Variants in LOC400499 observed in about 807,000 individuals in gnomAD.
chr16:11,515,488 T>A, the LOC400499 span, among the ~76,000 whole-genome samples: 1 of 151,138 alleles, frequency 6.6e-6, no homozygotes, highest in Admixed American at 6.6e-5. Flanking sequence ...CGTACATACA[T>A]ACATACATAC....
the LOC400499 span, among the ~76,000 whole-genome samples, chr16:11,458,758 G>A: frequency 1.5e-4 from 23 of 152,154 alleles, no homozygotes; most frequent in Non-Finnish European, 2.2e-4. Flanking sequence ...AAATATGGCC[G>A]GGTGTGGTGG....
chr16:11,471,515 C>T, the LOC400499 span: 1 of 398,076 alleles, frequency 2.5e-6, no homozygotes, highest in African/African-American at 2.1e-5. Context: ...GTGCAAACGT[C>T]CAGAAGAAAC....
At chr16:11,412,337 C>G in the LOC400499 span, among the ~76,000 whole-genome samples, 3 of 152,202 alleles carry the variant, frequency 2.0e-5, no homozygotes, top group Non-Finnish European at 4.4e-5. Context: ...TACACTGACT[C>G]TCACAGTGTC....
the LOC400499 span, among the ~76,000 whole-genome samples, chr16:11,490,996 C>G: frequency 6.6e-6 from 1 of 152,212 alleles, no homozygotes; most frequent in Non-Finnish European, 1.5e-5. Context: ...AAGCAACAGT[C>G]ACACATATGG....
At chr16:11,477,653 T>G in the LOC400499 span, among the ~76,000 whole-genome samples, 1 of 152,198 alleles carries the variant, frequency 6.6e-6, no homozygotes, top group Non-Finnish European at 1.5e-5. Flanking sequence ...TTCCCACCTG[T>G]AAAGTGGATC....
At chr16:11,385,083 C>G in the LOC400499 span, 1 of 1,232,222 alleles carries the variant, frequency 8.1e-7, no homozygotes, top group East Asian at 3.2e-5. Context: ...CCAGAGGGGG[C>G]TGGGCAGGAG....
chr16:11,493,729 C>G, the LOC400499 span: 1 of 396,468 alleles, frequency 2.5e-6, no homozygotes, highest in East Asian at 3.6e-5. Context: ...TGCACAGGCA[C>G]TCAACGTAGG....
chr16:11,400,036 G>C, the LOC400499 span, among the ~76,000 whole-genome samples: 1 of 145,998 alleles, frequency 6.8e-6, no homozygotes, highest in South Asian at 2.2e-4. Context: ...CCATTCCCAG[G>C]CTGGAGACTG....
chr16:11,399,658 G>A, the LOC400499 span: 13 of 398,738 alleles, frequency 3.3e-5, no homozygotes, highest in Middle Eastern at 6.3e-4. Flanking sequence ...AGCCTGGAGC[G>A]AGGGGGACCC....
chr16:11,400,276 C>G, the LOC400499 span, among the ~76,000 whole-genome samples: 2 of 152,030 alleles, frequency 1.3e-5, no homozygotes, highest in African/African-American at 4.8e-5. Flanking sequence ...ACCACAGGGC[C>G]TTTGCACGGG....
the LOC400499 span, among the ~76,000 whole-genome samples, chr16:11,375,261 T>G: frequency 7.0e-6 from 1 of 143,756 alleles, no homozygotes; most frequent in South Asian, 2.1e-4. Context: ...ACTTGTTATT[T>G]TCTGTATTAA....
chr16:11,447,290 T>C, the LOC400499 span, among the ~76,000 whole-genome samples: 1 of 152,202 alleles, frequency 6.6e-6, no homozygotes, highest in Non-Finnish European at 1.5e-5. Flanking sequence ...TTTCCCCATC[T>C]GTAAAACGGA....
the LOC400499 span, chr16:11,411,172 G>C: frequency 1.0e-5 from 4 of 399,034 alleles, no homozygotes; most frequent in African/African-American, 8.2e-5. Flanking sequence ...ACTCCCCAGA[G>C]GGGCCTGGCC....
chr16:11,514,883 T>A, the LOC400499 span, among the ~76,000 whole-genome samples: 1 of 152,320 alleles, frequency 6.6e-6, no homozygotes, highest in African/African-American at 2.4e-5. Context: ...ACCTCTTAGA[T>A]GCTGAGACTT....
the LOC400499 span, chr16:11,522,045 G>A: frequency 2.5e-6 from 1 of 399,182 alleles, no homozygotes; most frequent in East Asian, 3.6e-5. Context: ...CCTGCAGGCT[G>A]GTGCTGGTGT....
chr16:11,408,343 A>G, the LOC400499 span, among the ~76,000 whole-genome samples: 1 of 152,114 alleles, frequency 6.6e-6, no homozygotes, highest in Non-Finnish European at 1.5e-5. Flanking sequence ...ACCCCTTGTC[A>G]AAAATGTTCA....
chr16:11,522,949 G>C, the LOC400499 span, among the ~76,000 whole-genome samples: 1 of 152,168 alleles, frequency 6.6e-6, no homozygotes, highest in African/African-American at 2.4e-5. Context: ...GGGATCAAGC[G>C]TGAAACCTAA....
chr16:11,431,617 G>A, the LOC400499 span, among the ~76,000 whole-genome samples: 57 of 152,286 alleles, frequency 3.7e-4, no homozygotes, highest in African/African-American at 1.3e-3. Context: ...CGTTGCCCAG[G>A]CTGGTCTCGA....
At chr16:11,512,887 T>G in the LOC400499 span, among the ~76,000 whole-genome samples, 1 of 152,086 alleles carries the variant, frequency 6.6e-6, no homozygotes, top group South Asian at 2.1e-4. Flanking sequence ...CTAGAAGGCA[T>G]CCCATGGTGC....
Sources: gnomAD v4.1 joint callset for allele counts (sites outside exome capture counted in the v4.1 genomes callset) on GRCh38, gnomAD v4.1.1 for gene constraint, MANE v1.5 for transcripts.